Variants in ARHGAP5 observed in about 807,000 individuals in gnomAD.
ARHGAP5 encodes the protein rho GTPase-activating protein 5.
Under a neutral mutation model 116.6 loss-of-function variants are expected in ARHGAP5, and 23 were observed. That is an observed-to-expected ratio of 0.20 (90% confidence interval 0.14 to 0.28). ARHGAP5 has a LOEUF of 0.28. ARHGAP5 is among the 10% of genes least tolerant of loss of function. ARHGAP5 has a pLI of 1.00. For missense variants in ARHGAP5, 1,405 were observed against 1,774.8 expected, an observed-to-expected ratio of 0.79 and a Z score of 3.74; for synonymous variants, 574 against 602.0, an observed-to-expected ratio of 0.95 and a Z score of 0.68.
At chr14:32,142,924 A>C (rs1431632001) in intron 3 of ARHGAP5, among the ~76,000 whole-genome samples, 3 of 151,688 alleles carry the variant, frequency 2.0e-5, no homozygotes, top group African/African-American at 7.3e-5. Flanking sequence ...TGGTGACATC[A>C]CTCCCCATGG....
At chr14:32,088,229 G>A (rs957075398) in intron 1 of ARHGAP5, among the ~76,000 whole-genome samples, 6 of 151,856 alleles carry the variant, frequency 4.0e-5, no homozygotes, top group South Asian at 2.1e-4. Flanking sequence ...CAGAATAGAT[G>A]TTTGTTTAAT....
Position 32,094,034 on chromosome 14 carries a change from G to A in ARHGAP5, c.3365G>A (p.Arg1122Gln), listed in dbSNP as rs142991621. 780 of 1,613,266 alleles carry A rather than the reference G, an allele frequency of 4.8e-4. 6 individuals carry two copies. Among genetic ancestry groups the A allele is most frequent in the Non-Finnish European group, 1.2e-4 (136 of 1,179,792 alleles). Residue 1122 changes from arginine to glutamine, a missense_variant, in exon 2 of 7, where the codon CGA (arginine) becomes CAA (glutamine). This residue lies in a region of ARHGAP5 where 944 missense variants were observed against 1,095.3 expected (regional missense o/e 0.86). Coordinates refer to ENST00000345122, the MANE Select transcript of ARHGAP5 (RefSeq NM_001030055.2). ...PDDSQNRIKI[R>Q]NSFVNNTQGD... The stretch of plus-strand genomic sequence containing the variant: ...GATAGTCAAAATCGTATTAAAATTC[G>A]AAACTCATTTGTAAATAACACCCAA...
At chr14:32,151,974 AC>A (rs1041397234) in intron 5 of ARHGAP5, among the ~76,000 whole-genome samples, 7 of 152,214 alleles carry the variant, frequency 4.6e-5, no homozygotes, top group Admixed American at 6.5e-5. Flanking sequence ...GGGCTCTCCA[AC>A]CCCTAGGCCA....
Position 32,091,642 on chromosome 14 carries a change from C to A in ARHGAP5, c.973C>A (p.Gln325Lys), listed in dbSNP as rs773449416. 6.2e-7 allele frequency: 1 copy of A among 1,611,332 alleles called. No individual in the cohort carries two copies. The highest frequency in any genetic ancestry group is 8.5e-7 in the Non-Finnish European group (1 of 1,178,590). Residue 325 changes from glutamine to lysine, a missense_variant, in exon 2 of 7, where the codon CAA becomes AAA. Transcript: ENST00000345122. ...AAATACATTCTCAAAACATATAGAA[C>A]AACTTAAACAGGAACATATAAGAAA... The part of the protein sequence containing the change: ...ARNTFSKHIE[Q>K]LKQEHIRKRR...
chr14:32,117,102 A>G, intron 2 of ARHGAP5, 38 bp from the exon 3 acceptor site: 1 of 1,492,164 alleles, frequency 6.7e-7, no homozygotes, highest in Non-Finnish European at 9.1e-7. Flanking sequence ...TTCTGAAATT[A>G]ATTTTAATAG....
At chr14:32,078,646 A>G (rs2041739730) in intron 1 of ARHGAP5, among the ~76,000 whole-genome samples, 1 of 152,138 alleles carries the variant, frequency 6.6e-6, no homozygotes, top group African/African-American at 2.4e-5. Context: ...TTCCACTTAA[A>G]TCCAGAACCA....
chr14:32,080,326 A>C (rs1290346088), intron 1 of ARHGAP5, among the ~76,000 whole-genome samples: 1 of 149,798 alleles, frequency 6.7e-6, no homozygotes, highest in Non-Finnish European at 1.5e-5. Context: ...ATATAAGAAA[A>C]ATATTTATTA....
intron 5 of ARHGAP5, among the ~76,000 whole-genome samples, chr14:32,150,843 T>C (rs978741581): frequency 1.2e-4 from 18 of 152,224 alleles, no homozygotes; most frequent in African/African-American, 4.1e-4. Context: ...ATTCCTACTT[T>C]GGCATCTTTC....
At chr14:32,146,159 C>T (rs1166383776) in intron 3 of ARHGAP5, 104 bp from the exon 4 acceptor site, 39 of 779,032 alleles carry the variant, frequency 5.0e-5, no homozygotes, top group Non-Finnish European at 2.9e-5. Context: ...AGTTCTCCCA[C>T]CTTGGCCTCC....
Position 32,156,192 on chromosome 14 carries a change from G to A in ARHGAP5, c.*1244G>A, listed in dbSNP as rs1000508917. The A allele has an allele frequency of 2.8e-4, 43 of 152,346 alleles. No individual in the cohort carries two copies. The highest frequency in any genetic ancestry group is 1.0e-3 in the African/African-American group (42 of 41,386). The allele number at this position is 152,346 out of a possible 1,614,324, so 9.4% of individuals were successfully genotyped here. ...TGGGGGTAAACATTTTGTTAGTGAA[G>A]ATAAAACCAGAACACTAAATTATGG... On this transcript the variant is annotated 3_prime_UTR_variant, in exon 7 of 7. Transcript: ENST00000345122.
At chr14:32,145,930 T>C (rs1314346524) in intron 3 of ARHGAP5, among the ~76,000 whole-genome samples, 2 of 152,124 alleles carry the variant, frequency 1.3e-5, no homozygotes, top group Non-Finnish European at 2.9e-5. Flanking sequence ...TAGATGTATA[T>C]TGGTTTTTTG....
intron 3 of ARHGAP5, among the ~76,000 whole-genome samples, chr14:32,131,985 T>C (rs1161596150): frequency 1.3e-5 from 2 of 152,234 alleles, no homozygotes; most frequent in Non-Finnish European, 2.9e-5. Context: ...AGTCTGTCCT[T>C]GTTGGACATT....
chr14:32,142,090 T>A (rs1047926818), intron 3 of ARHGAP5, among the ~76,000 whole-genome samples: 4 of 152,130 alleles, frequency 2.6e-5, no homozygotes, highest in African/African-American at 9.6e-5. Flanking sequence ...GAATTTCTTT[T>A]TAGCGTCTTT....
intron 6 of ARHGAP5, among the ~76,000 whole-genome samples, chr14:32,153,319 A>G (rs1201108328): frequency 1.5e-5 from 2 of 133,154 alleles, no homozygotes; most frequent in Non-Finnish European, 3.1e-5. Context: ...GGGCGGGAGA[A>G]TTGCTTGAGC....
In ARHGAP5 at chr14:32,154,940, A is replaced by G. The variant is rs1295901217; in HGVS notation, c.4501A>G (p.Ile1501Val). The change falls in exon 7 of 7, where the codon ATT becomes GTT. Residue 1501 changes from isoleucine (I) to valine (V), a missense_variant. Transcript: ENST00000345122. Reference sequence around the variant, plus strand: ...ACAATTACAAACGGATCCTCTTGGTATTATATGAGTAGGAAGTGATTGCAA... The same window carrying G: ...ACAATTACAAACGGATCCTCTTGGTGTTATATGAGTAGGAAGTGATTGCAA... Reference protein sequence around the residue: ...QPQLQTDPLGII With the variant: ...QPQLQTDPLGVI 4 of 1,612,738 alleles carry G rather than the reference A, an allele frequency of 2.5e-6. No individual in the cohort carries two copies. The highest frequency in any genetic ancestry group is 1.3e-5 in the African/African-American group (1 of 75,028).
intron 3 of ARHGAP5, among the ~76,000 whole-genome samples, chr14:32,136,477 A>G (rs968432334): frequency 6.6e-6 from 1 of 152,322 alleles, no homozygotes; most frequent in South Asian, 2.1e-4. Flanking sequence ...AAATTCCATT[A>G]TATAGCTATA....
intron 3 of ARHGAP5, among the ~76,000 whole-genome samples, chr14:32,135,811 T>TCA (rs1353422384): frequency 6.6e-6 from 1 of 152,264 alleles, no homozygotes; most frequent in African/African-American, 2.4e-5. Flanking sequence ...GATACTCTGA[T>TCA]GAGTCCAGTA....
intron 3 of ARHGAP5, among the ~76,000 whole-genome samples, chr14:32,122,804 A>G (rs573433884): frequency 3.9e-5 from 6 of 152,210 alleles, no homozygotes; most frequent in Non-Finnish European, 8.8e-5. Context: ...GTTCAAAATC[A>G]GTTGACCATA....
intron 2 of ARHGAP5, among the ~76,000 whole-genome samples, chr14:32,100,051 C>T (rs189982691): frequency 8.2e-4 from 125 of 152,282 alleles, no homozygotes; most frequent in Non-Finnish European, 1.3e-3. Flanking sequence ...AATATTTCTA[C>T]ATAATTGAAA....
Sources: allele counts gnomAD v4.1 joint callset (sites outside exome capture counted in the v4.1 genomes callset), GRCh38; gene constraint gnomAD v4.1.1; regional missense constraint gnomAD v4.1.1; transcripts MANE v1.5; gene names NCBI Gene and HGNC (gene_info 2026-07-23, HGNC 2026-07-21).